USH1C: variants seen among roughly 807,000 people sequenced by gnomAD.
USH1C encodes USH1 protein network component harmonin.
USH1C carries 90 observed loss-of-function variants against 119.3 expected under a neutral mutation model. The observed-to-expected ratio is 0.75, with a 90% CI of 0.64 to 0.90. The LOEUF is 0.90. Among genes scored for constraint, USH1C ranks in the 40% least tolerant of loss-of-function variants. The probability of loss-of-function intolerance (pLI) is 0.00; values close to 1 mark genes in which losing one functional copy is unlikely to be tolerated. For synonymous variants in USH1C, 465 were observed against 443.3 expected, an observed-to-expected ratio of 1.05 and a Z score of -0.62; for missense variants, 1,165 against 1,167.7, an observed-to-expected ratio of 1.00 and a Z score of 0.03.
chr11:17,523,528 C>T (rs756324489), intron 9 of USH1C, 50 bp from the exon 10 acceptor site: 6 of 1,594,688 alleles, frequency 3.8e-6, no homozygotes, highest in Admixed American at 1.7e-5. Context: ...TCTGTACACT[C>T]GCTCATCTGC....
At chr11:17,522,074 C>T (rs988657993) in intron 12 of USH1C, among the ~76,000 whole-genome samples, 1 of 152,206 alleles carries the variant, frequency 6.6e-6, no homozygotes, top group Non-Finnish European at 1.5e-5. Flanking sequence ...CTCAGATGAT[C>T]TGCCGGCCTC....
intron 14 of USH1C, chr11:17,517,395 G>A (rs373957166): frequency 1.4e-5 from 22 of 1,575,848 alleles, no homozygotes; most frequent in African/African-American, 5.4e-5. Context: ...AAGCGGGGAC[G>A]CGAACCTGCT....
intron 23 of USH1C, 42 bp downstream of exon 23, chr11:17,501,009 C>A (rs747567022): frequency 1.4e-5 from 22 of 1,568,970 alleles, no homozygotes; most frequent in Non-Finnish European, 1.8e-5. Context: ...CGTCTAACCA[C>A]TGTATCATCC....
chr11:17,496,345 C>T (rs1849249127), intron 25 of USH1C, among the ~76,000 whole-genome samples: 2 of 152,146 alleles, frequency 1.3e-5, no homozygotes, highest in African/African-American at 4.8e-5. Context: ...CCTAGAGGCA[C>T]AGTATGAGTG....
At chr11:17,520,044 G>A (rs1850343606) in intron 14 of USH1C, among the ~76,000 whole-genome samples, 2 of 152,226 alleles carry the variant, frequency 1.3e-5, no homozygotes, top group South Asian at 4.1e-4. Context: ...AGTAGGACCT[G>A]TCCTGTGTCA....
chr11:17,523,396 A>C, intron 10 of USH1C, 23 bp downstream of exon 10: 1 of 1,614,200 alleles, frequency 6.2e-7, no homozygotes, highest in South Asian at 1.1e-5. Flanking sequence ...AAGGGCCAAC[A>C]GGTGAAGACC....
intron 4 of USH1C, among the ~76,000 whole-genome samples, chr11:17,527,812 C>A (rs1850778603): frequency 6.6e-6 from 1 of 152,158 alleles, no homozygotes; most frequent in South Asian, 2.1e-4. Flanking sequence ...GGGGTGGGGA[C>A]CTTCTGTGAC....
At chr11:17,504,765 C>G in intron 19 of USH1C, 68 bp from the exon 20 acceptor site, 1 of 1,562,444 alleles carries the variant, frequency 6.4e-7, no homozygotes, top group East Asian at 2.2e-5. Context: ...CCCCCTGGTG[C>G]CAGGCTTCGG....
chr11:17,501,456 C>T (rs1400340202), intron 22 of USH1C, 26 bp downstream of exon 22: 4 of 1,609,738 alleles, frequency 2.5e-6, no homozygotes, highest in Non-Finnish European at 3.4e-6. Flanking sequence ...GGATGGCGGC[C>T]CACCGGCCTC....
In USH1C at chr11:17,526,798, C is replaced by T. The variant is rs1320294264; in HGVS notation, c.534G>A (p.Glu178=). ...GLIPVKSSPD[E]PLTWQYVDQF... is the part of the protein sequence containing the mutation. Reference sequence around the variant, plus strand: ...GATCCACATACTGCCAAGTGAGGGGCTCATCAGGAGAGCTGATGGGAAGGG... The same window carrying T: ...GATCCACATACTGCCAAGTGAGGGGTTCATCAGGAGAGCTGATGGGAAGGG... The change falls in exon 7 of 27, where the codon GAG becomes GAA. Residue 178 remains glutamate, a synonymous_variant. Coordinates refer to ENST00000005226, the MANE Select transcript of USH1C (RefSeq NM_153676.4). The T allele has an allele frequency of 2.5e-6, 4 of 1,614,052 alleles. No homozygotes were observed. In the South Asian group the frequency reaches 4.4e-5, roughly 18 times the overall value.
At chr11:17,536,970 C>A (rs1851254621) in intron 1 of USH1C, among the ~76,000 whole-genome samples, 1 of 152,202 alleles carries the variant, frequency 6.6e-6, no homozygotes. Flanking sequence ...CATTCTCACC[C>A]AGAAATATCT....
chr11:17,517,634 G>T (rs772905038), intron 14 of USH1C, among the ~76,000 whole-genome samples: 14 of 152,170 alleles, frequency 9.2e-5, no homozygotes, highest in African/African-American at 1.7e-4. Context: ...GCAGAGCAAA[G>T]GTTTTTTGCT....
chr11:17,526,249 A>G lies in USH1C; in HGVS notation c.674+98T>C, dbSNP rs1850663613. 3 of 1,022,228 alleles carry G rather than the reference A, an allele frequency of 2.9e-6. No homozygotes were observed. In the African/African-American group the frequency reaches 4.7e-5, roughly 16 times the overall value. 63.3% of individuals were successfully genotyped at this position (1,022,228 alleles called of 1,614,324 possible). On this transcript the variant is annotated intron_variant, in intron 8 of 26. Coordinates refer to ENST00000005226, the MANE Select transcript of USH1C (RefSeq NM_153676.4). The stretch of plus-strand genomic sequence containing the variant: ...ATGGACAGTCACACCCCTGGTGGGC[A>G]AGGTTTCCTCGGAAGTGGCAGTGAG...
chr11:17,522,939 A>G lies in USH1C; in HGVS notation c.877-13T>C. ...ACAGCTCCCGGCCCTCATGGGAGAAAAGAGGCCCCTTGCTCAGCCCCCGGG... is the reference window on the plus strand; with the variant it reads ...ACAGCTCCCGGCCCTCATGGGAGAAGAGAGGCCCCTTGCTCAGCCCCCGGG... On this transcript the variant is annotated splice_polypyrimidine_tract_variant and intron_variant, in intron 11 of 26. Transcript: ENST00000005226. 3.1e-6 allele frequency: 5 copies of G among 1,608,980 alleles called. No homozygotes were observed. Among genetic ancestry groups the G allele is most frequent in the Non-Finnish European group, 4.2e-6 (5 of 1,177,966 alleles).
chr11:17,509,685 G>T lies in USH1C; in HGVS notation c.1684C>A (p.Pro562Thr), dbSNP rs1272415509. ...YYPPKTPSALPVMPHPPPSNP... is the reference protein window; with the variant it reads ...YYPPKTPSALTVMPHPPPSNP... The stretch of plus-strand genomic sequence containing the variant: ...GAGGGTGGAGGGTGGGGCATCACAG[G>T]CAAGGCAGAGGGAGTCTTGGGGGGA... Residue 562 changes from proline to threonine, a missense_variant, in exon 18 of 27, where the codon CCT becomes ACT. By Grantham distance (38) the Pro-to-Thr change is conservative. Transcript: ENST00000005226. 1.3e-6 allele frequency: 2 copies of T among 1,597,890 alleles called. No individual in the cohort carries two copies. The highest frequency in any genetic ancestry group is 2.2e-5 in the East Asian group (1 of 44,630).
intron 26 of USH1C, 119 bp from the exon 27 acceptor site, chr11:17,494,495 C>T: frequency 1.8e-6 from 2 of 1,103,534 alleles, no homozygotes; most frequent in Non-Finnish European, 2.7e-6. Flanking sequence ...GCCCTGCCAC[C>T]CTTTGGAGAC....
intron 23 of USH1C, among the ~76,000 whole-genome samples, chr11:17,498,848 G>A (rs1849336903): frequency 6.6e-6 from 1 of 152,204 alleles, no homozygotes; most frequent in South Asian, 2.1e-4. Flanking sequence ...TTTGTTTACT[G>A]ATGGTCTCTC....
chr11:17,496,090 A>G (rs1392788468), intron 25 of USH1C, among the ~76,000 whole-genome samples: 1 of 152,068 alleles, frequency 6.6e-6, no homozygotes, highest in Non-Finnish European at 1.5e-5. Context: ...GAGAAACAGG[A>G]AGAAAGAATA....
At chr11:17,500,801 T>C (rs1256997967) in intron 23 of USH1C, among the ~76,000 whole-genome samples, 1 of 152,052 alleles carries the variant, frequency 6.6e-6, no homozygotes, top group Non-Finnish European at 1.5e-5. Context: ...CAATTCTGAG[T>C]CCGTCTCCCA....
Sources: gnomAD v4.1 joint callset for allele counts (sites outside exome capture counted in the v4.1 genomes callset) on GRCh38, gnomAD v4.1.1 for gene constraint, MANE v1.5 for transcripts, NCBI Gene and HGNC (gene_info 2026-07-23, HGNC 2026-07-21) for gene names.